Variants in OPRD1 observed in about 807,000 individuals in gnomAD.
OPRD1 encodes delta-type opioid receptor.
Under a neutral mutation model 17.5 loss-of-function variants are expected in OPRD1, and 19 were observed. The observed-to-expected ratio is 1.09, with a 90% CI of 0.76 to 1.60. The LOEUF (loss-of-function observed/expected upper bound fraction) is 1.60. Among genes scored for constraint, OPRD1 ranks in the 40% most tolerant of loss-of-function variants. OPRD1 has a pLI of 0.00. For missense variants in OPRD1, 483 were observed against 547.2 expected, an observed-to-expected ratio of 0.88 and a Z score of 1.17; for synonymous variants, 256 against 240.9, an observed-to-expected ratio of 1.06 and a Z score of -0.58.
At chr1:28,846,846 T>TTTTC (rs1553150754) in intron 1 of OPRD1, among the ~76,000 whole-genome samples, 8,517 of 76,464 alleles carry the variant, frequency 0.11, 348 homozygotes, top group Non-Finnish European at 0.15. Flanking sequence ...TCTTTCTTTC[T>TTTTC]TTTCTTTCTT....
At chr1:28,847,686 T>C (rs1219989041) in intron 1 of OPRD1, among the ~76,000 whole-genome samples, 2 of 151,850 alleles carry the variant, frequency 1.3e-5, no homozygotes, top group African/African-American at 4.8e-5. Flanking sequence ...ATTTAAAAAT[T>C]AGCCAGGTGT....
intron 1 of OPRD1, among the ~76,000 whole-genome samples, chr1:28,840,650 G>A (rs1040628164): frequency 2.6e-5 from 4 of 152,114 alleles, no homozygotes; most frequent in Non-Finnish European, 4.4e-5. Context: ...GGCCAGGCGT[G>A]GTGGCTCATG....
intron 1 of OPRD1, among the ~76,000 whole-genome samples, chr1:28,815,981 C>T (rs189243243): frequency 1.3e-5 from 2 of 152,236 alleles, no homozygotes; most frequent in Admixed American, 6.5e-5. Flanking sequence ...AAGCTCTTCT[C>T]ATTAAAGTGG....
intron 1 of OPRD1, among the ~76,000 whole-genome samples, chr1:28,814,511 C>T (rs1569597376): frequency 6.6e-6 from 1 of 152,200 alleles, no homozygotes; most frequent in African/African-American, 2.4e-5. Flanking sequence ...CTGAGAGCTC[C>T]GGATTCCTGG....
chr1:28,825,800 C>T (rs1221192448), intron 1 of OPRD1, among the ~76,000 whole-genome samples: 1 of 152,258 alleles, frequency 6.6e-6, no homozygotes, highest in African/African-American at 2.4e-5. Flanking sequence ...GCAGCCCTGT[C>T]CTTCATCAGC....
At chr1:28,854,874 A>G (rs1016997661) in intron 1 of OPRD1, among the ~76,000 whole-genome samples, 1 of 151,154 alleles carries the variant, frequency 6.6e-6, no homozygotes, top group Non-Finnish European at 1.5e-5. Flanking sequence ...CTGGTCTCGA[A>G]CTCCTGACCT....
At chr1:28,823,925 C>T (rs1167978227) in intron 1 of OPRD1, among the ~76,000 whole-genome samples, 6 of 147,542 alleles carry the variant, frequency 4.1e-5, no homozygotes, top group Non-Finnish European at 8.9e-5. Context: ...CACCTGTAAT[C>T]GCAGCACTTT....
chr1:28,848,312 G>A (rs1457590576), intron 1 of OPRD1, among the ~76,000 whole-genome samples: 1 of 152,008 alleles, frequency 6.6e-6, no homozygotes, highest in Admixed American at 6.6e-5. Context: ...TTCAGTATAT[G>A]AATTTGAGGG....
chr1:28,848,662 C>A (rs1313364939), intron 1 of OPRD1, among the ~76,000 whole-genome samples: 2 of 152,178 alleles, frequency 1.3e-5, no homozygotes, highest in African/African-American at 4.8e-5. Context: ...ATAGTAAGTT[C>A]ACATTCTTTT....
intron 1 of OPRD1, among the ~76,000 whole-genome samples, chr1:28,836,509 CA>C (rs36110179): frequency 6.4e-4 from 87 of 136,014 alleles, no homozygotes; most frequent in African/African-American, 8.3e-4. Flanking sequence ...GATTCCATCT[CA>C]AAAAAAAAAA....
intron 1 of OPRD1, among the ~76,000 whole-genome samples, chr1:28,818,371 C>G (rs2088687453): frequency 6.6e-6 from 1 of 152,178 alleles, no homozygotes; most frequent in Non-Finnish European, 1.5e-5. Context: ...CATGCCACCC[C>G]CTGGTTAGTT....
chr1:28,829,397 C>G (rs937537614), intron 1 of OPRD1, among the ~76,000 whole-genome samples: 2 of 152,122 alleles, frequency 1.3e-5, no homozygotes, highest in Admixed American at 6.6e-5. Context: ...AAGACAGAGT[C>G]TTGCTCTGTT....
chr1:28,846,214 C>T (rs1387172928), intron 1 of OPRD1, among the ~76,000 whole-genome samples: 1 of 152,202 alleles, frequency 6.6e-6, no homozygotes, highest in East Asian at 1.9e-4. Flanking sequence ...CTTCCTCCTT[C>T]ACTTCACATG....
chr1:28,834,189 G>A (rs2088830622), intron 1 of OPRD1, among the ~76,000 whole-genome samples: 2 of 152,022 alleles, frequency 1.3e-5, no homozygotes, highest in African/African-American at 4.8e-5. Flanking sequence ...TGGGATTACA[G>A]GCGTGAGCCA....
At chr1:28,841,744 C>A (rs547526508) in intron 1 of OPRD1, among the ~76,000 whole-genome samples, 84 of 151,782 alleles carry the variant, frequency 5.5e-4, no homozygotes, top group African/African-American at 1.9e-3. Flanking sequence ...AACAGAGTCT[C>A]GCTCTGTCAC....
chr1:28,840,951 A>C (rs1433711901), intron 1 of OPRD1, among the ~76,000 whole-genome samples: 1 of 152,206 alleles, frequency 6.6e-6, no homozygotes, highest in East Asian at 1.9e-4. Context: ...TGAATAAATA[A>C]AGTAAAATGC....
intron 2 of OPRD1, 104 bp downstream of exon 2, chr1:28,859,407 C>T (rs1006359936): frequency 2.6e-5 from 25 of 953,962 alleles, no homozygotes; most frequent in Non-Finnish European, 3.5e-5. Flanking sequence ...GTAGGTGGCT[C>T]ATCAGCAGAG....
chr1:28,812,462 T>A lies in OPRD1; in HGVS notation c.79T>A (p.Cys27Ser). ...CGCCTCGGACGCCTACCCTAGCGCC[T>A]GCCCCAGCGCTGGCGCCAATGCGTC... Reference protein sequence around the residue: ...ANASDAYPSACPSAGANASGP... With the variant: ...ANASDAYPSASPSAGANASGP... The change falls in exon 1 of 3, where the codon TGC becomes AGC. Residue 27 changes from cysteine to serine, a missense_variant. Coordinates refer to ENST00000234961, the MANE Select transcript of OPRD1 (RefSeq NM_000911.4). 6.6e-7 allele frequency: 1 copy of A among 1,522,516 alleles called. No individual in the cohort carries two copies. 94.3% of individuals were successfully genotyped at this position (1,522,516 alleles called of 1,614,324 possible). A position where few individuals can be genotyped will look rare whatever the true frequency, so the allele number is the denominator to read the frequency against.
chr1:28,848,564 G>A (rs893456617), intron 1 of OPRD1, among the ~76,000 whole-genome samples: 1 of 152,146 alleles, frequency 6.6e-6, no homozygotes, highest in African/African-American at 2.4e-5. Context: ...CCAGACTGTC[G>A]CCATTACTCC....
Sources: allele counts gnomAD v4.1 joint callset (sites outside exome capture counted in the v4.1 genomes callset), GRCh38; gene constraint gnomAD v4.1.1; transcripts MANE v1.5; gene names NCBI Gene and HGNC (gene_info 2026-07-23, HGNC 2026-07-21).